The following GABRA3 variants were observed in gnomAD, a reference collection of about 807,000 sequenced individuals.
GABRA3 encodes the protein gamma-aminobutyric acid receptor subunit alpha-3.
Under a neutral mutation model 30.1 loss-of-function variants are expected in GABRA3, and 10 were observed. The observed-to-expected ratio is 0.33, with a 90% CI of 0.20 to 0.56. The LOEUF is 0.56. Among genes scored for constraint, GABRA3 ranks in the 20% least tolerant of loss-of-function variants. The pLI is 0.89. For missense variants in GABRA3, 233 were observed against 392.0 expected, an observed-to-expected ratio of 0.59 and a Z score of 3.42; for synonymous variants, 151 against 146.8, an observed-to-expected ratio of 1.03 and a Z score of -0.21.
chrX:152,343,839 G>A, intron 3 of GABRA3, among the ~76,000 whole-genome samples: 1 of 112,177 alleles, frequency 8.9e-6, no homozygotes, highest in East Asian at 2.8e-4. Context: ...TTTGTATATT[G>A]TAGGATTAAA....
chrX:152,363,522 T>G, intron 2 of GABRA3, among the ~76,000 whole-genome samples: 1 of 111,274 alleles, frequency 9.0e-6, no homozygotes, highest in South Asian at 3.8e-4. Context: ...GTAGGACAAA[T>G]CTTTTAGTGC....
chrX:152,421,098 TACAC>T (rs60206606), intron 1 of GABRA3, among the ~76,000 whole-genome samples: 15,072 of 94,485 alleles, frequency 0.16, 1,633 homozygotes, highest in East Asian at 0.43. Flanking sequence ...TTACACATTA[TACAC>T]ACACACACAC....
At chrX:152,293,849 C>T (rs962738045) in intron 3 of GABRA3, among the ~76,000 whole-genome samples, 5 of 111,226 alleles carry the variant, frequency 4.5e-5, no homozygotes, top group Non-Finnish European at 9.4e-5. Flanking sequence ...CAGCATTTGC[C>T]TCTCTGTAAA....
chrX:152,288,670 A>G (rs1467608754), intron 3 of GABRA3, among the ~76,000 whole-genome samples: 1 of 111,726 alleles, frequency 9.0e-6, no homozygotes, highest in Non-Finnish European at 1.9e-5. Context: ...GGAGTTTCCT[A>G]TTTCATTTAA....
rs189447650 is a variant in GABRA3, at chrX:152,338,969, T to A, written c.262+6612A>T. 8.1e-5 allele frequency among the ~76,000 whole-genome samples: 9 copies of A among 111,543 alleles called. No homozygotes were observed. In the East Asian group the frequency reaches 2.6e-3, roughly 32 times the overall value. The stretch of plus-strand genomic sequence containing the variant: ...ATTTTGAAATCAGGAGTGGGTTACC[T>A]CCAGTTTTGTTATTTATTTTCAAAT... On this transcript the variant is annotated intron_variant, in intron 3 of 9. Transcript: ENST00000370314.
chrX:152,281,086 G>A (rs1205163221), intron 4 of GABRA3, among the ~76,000 whole-genome samples: 1 of 110,750 alleles, frequency 9.0e-6, no homozygotes, highest in Non-Finnish European at 1.9e-5. Context: ...AGGTCAGAAG[G>A]GAATTTGGAC....
At chrX:152,254,881 C>T (rs185408295) in intron 5 of GABRA3, among the ~76,000 whole-genome samples, 215 of 111,704 alleles carry the variant, frequency 1.9e-3, no homozygotes, top group African/African-American at 6.5e-3. Context: ...CAACTGATAT[C>T]GGAGGAACAA....
At chrX:152,180,504 GCT>G (rs2124334651) in intron 9 of GABRA3, among the ~76,000 whole-genome samples, 1 of 111,527 alleles carries the variant, frequency 9.0e-6, no homozygotes, top group African/African-American at 3.3e-5. Flanking sequence ...TTGTCTCTTT[GCT>G]CTGTTGATTG....
chrX:152,226,008 A>G (rs6526084), intron 5 of GABRA3, among the ~76,000 whole-genome samples: 11,618 of 110,537 alleles, frequency 0.11, 1,255 homozygotes, highest in East Asian at 0.38. Flanking sequence ...TAAAATATCA[A>G]TATATGAGAC....
chrX:152,312,363 T>C (rs776458308), intron 3 of GABRA3, among the ~76,000 whole-genome samples: 24 of 111,889 alleles, frequency 2.1e-4, no homozygotes, highest in African/African-American at 7.5e-4. Context: ...TTTGACAAAG[T>C]TGACAATAAC....
intron 3 of GABRA3, among the ~76,000 whole-genome samples, chrX:152,327,025 GAA>G (rs756781698): frequency 1.2e-5 from 1 of 84,110 alleles, no homozygotes; most frequent in Non-Finnish European, 2.4e-5. Context: ...CAAGCAAATG[GAA>G]AAAAAAAAAA....
chrX:152,288,143 C>T (rs1300570151), intron 3 of GABRA3, among the ~76,000 whole-genome samples: 2 of 111,522 alleles, frequency 1.8e-5, no homozygotes, highest in Admixed American at 1.9e-4. Flanking sequence ...TTTATGTTAC[C>T]ATCCACAGGC....
intron 1 of GABRA3, among the ~76,000 whole-genome samples, chrX:152,433,105 A>T (rs1158468738): frequency 2.7e-5 from 3 of 111,390 alleles, no homozygotes; most frequent in Non-Finnish European, 5.7e-5. Flanking sequence ...TTCATGGTAG[A>T]AATCTTAGCA....
chrX:152,312,240 A>G (rs185615750), intron 3 of GABRA3, among the ~76,000 whole-genome samples: 59 of 112,279 alleles, frequency 5.3e-4, no homozygotes, highest in African/African-American at 1.9e-3. Flanking sequence ...AAACTGTACT[A>G]TAAGGCTACA....
chrX:152,418,555 C>A (rs1423165848), intron 1 of GABRA3, among the ~76,000 whole-genome samples: 3 of 111,535 alleles, frequency 2.7e-5, no homozygotes, highest in Admixed American at 9.5e-5. Context: ...GGCTTAGATA[C>A]ATGTATTTGA....
chrX:152,447,722 T>C (rs1931122857), intron 1 of GABRA3, among the ~76,000 whole-genome samples: 1 of 112,290 alleles, frequency 8.9e-6, no homozygotes, highest in Non-Finnish European at 1.9e-5. Context: ...AATGCAACTT[T>C]GTGTAAATGT....
At chrX:152,427,633 C>A (rs910427937) in intron 1 of GABRA3, among the ~76,000 whole-genome samples, 1 of 112,070 alleles carries the variant, frequency 8.9e-6, no homozygotes, top group Non-Finnish European at 1.9e-5. Flanking sequence ...TCAAAGTATG[C>A]CTTCCCTTTT....
chrX:152,296,103 C>T (rs1939523922), intron 3 of GABRA3, among the ~76,000 whole-genome samples: 1 of 112,163 alleles, frequency 8.9e-6, no homozygotes, highest in South Asian at 3.7e-4. Flanking sequence ...TGGGCTTTGG[C>T]CAAGAGAACA....
intron 7 of GABRA3, among the ~76,000 whole-genome samples, chrX:152,200,375 A>C (rs1365494290): frequency 8.9e-6 from 1 of 112,523 alleles, no homozygotes; most frequent in African/African-American, 3.2e-5. Flanking sequence ...ACCCTTATTG[A>C]ATATGTATTC....
Sources: gnomAD v4.1 joint callset for allele counts (sites outside exome capture counted in the v4.1 genomes callset) on GRCh38, gnomAD v4.1.1 for gene constraint, MANE v1.5 for transcripts, NCBI Gene and HGNC (gene_info 2026-07-23, HGNC 2026-07-21) for gene names.